The following YEATS2 variants were observed in gnomAD, a reference collection of about 807,000 sequenced individuals.
The protein encoded by YEATS2 is YEATS domain-containing protein 2.
In YEATS2, 77 loss-of-function variants were observed where a neutral mutation model predicts 163.2. The observed-to-expected ratio is 0.47, with a 90% CI of 0.39 to 0.57. The LOEUF is 0.57. Ranked by LOEUF, YEATS2 falls within the 20% of genes least tolerant of loss-of-function variation. The pLI is 0.00. For synonymous variants in YEATS2, 631 were observed against 645.1 expected, an observed-to-expected ratio of 0.98 and a Z score of 0.33; for missense variants, 1,549 against 1,729.8, an observed-to-expected ratio of 0.90 and a Z score of 1.85.
At chr3:183,787,109 C>T (rs1292259573) in intron 20 of YEATS2, among the ~76,000 whole-genome samples, 1 of 152,116 alleles carries the variant, frequency 6.6e-6, no homozygotes, top group Non-Finnish European at 1.5e-5. Flanking sequence ...CACGCACCAC[C>T]ATGTCCGGCT....
intron 29 of YEATS2, among the ~76,000 whole-genome samples, chr3:183,808,431 T>C (rs1284186959): frequency 6.6e-6 from 1 of 152,186 alleles, no homozygotes; most frequent in Non-Finnish European, 1.5e-5. Flanking sequence ...CAGCCCCAAC[T>C]GTCCTGACCC....
chr3:183,713,040 C>T (rs1216329851), intron 1 of YEATS2, among the ~76,000 whole-genome samples: 2 of 152,082 alleles, frequency 1.3e-5, no homozygotes, highest in Non-Finnish European at 1.5e-5. Flanking sequence ...GGATTACAGG[C>T]GTGAGCCACC....
intron 21 of YEATS2, among the ~76,000 whole-genome samples, chr3:183,792,519 G>C (rs1167245083): frequency 6.6e-6 from 1 of 152,068 alleles, no homozygotes; most frequent in East Asian, 1.9e-4. Flanking sequence ...GTATTGTACT[G>C]TATTATTATT....
chr3:183,756,834 C>A, intron 12 of YEATS2, 145 bp downstream of exon 12: 1 of 728,520 alleles, frequency 1.4e-6, no homozygotes, highest in Non-Finnish European at 1.9e-6. Context: ...AAAGCCAATA[C>A]TCTTTCTCTG....
At chr3:183,796,342 C>G (rs1021787366) in intron 21 of YEATS2, among the ~76,000 whole-genome samples, 6 of 151,488 alleles carry the variant, frequency 4.0e-5, no homozygotes, top group Non-Finnish European at 8.8e-5. Flanking sequence ...TTGTTTGTGC[C>G]TTGTATGCTC....
chr3:183,785,010 T>G (rs946619989), intron 19 of YEATS2, among the ~76,000 whole-genome samples: 5 of 150,924 alleles, frequency 3.3e-5, no homozygotes, highest in African/African-American at 1.2e-4. Context: ...GAGGCAGAGG[T>G]TGCAGTGAGC....
Position 183,730,052 on chromosome 3 carries a change from G to GTTTGT in YEATS2, c.812+1204_812+1205insGTTTT, listed in dbSNP as rs1560244258. 5.8e-4 allele frequency among the ~76,000 whole-genome samples: 24 copies of GTTTGT among 41,716 alleles called. 1 individual carries two copies. Among genetic ancestry groups the GTTTGT allele is most frequent in the East Asian group, 1.1e-3 (1 of 888 alleles). 27.4% of individuals were successfully genotyped at this position (41,716 alleles called of 152,430 possible). A position where few individuals can be genotyped will look rare whatever the true frequency, so the allele number is the denominator to read the frequency against. ...ATATTAATTGTGTGGTTTTTTGTTT[G>GTTTGT]TTTTTTTTTTTTTTTTTTTTTTTTT... On this transcript the variant is annotated intron_variant, in intron 7 of 30. Coordinates refer to ENST00000305135, the MANE Select transcript of YEATS2 (RefSeq NM_018023.5).
chr3:183,723,803 T>A (rs1211122687), intron 5 of YEATS2, among the ~76,000 whole-genome samples: 1 of 151,682 alleles, frequency 6.6e-6, no homozygotes, highest in South Asian at 2.1e-4. Context: ...TCCCATCTAC[T>A]CGAGAGGCTG....
chr3:183,772,782 C>CACAT (rs796713045), intron 16 of YEATS2, among the ~76,000 whole-genome samples: 2 of 148,480 alleles, frequency 1.3e-5, no homozygotes, highest in South Asian at 2.2e-4. Flanking sequence ...CACACACCCA[C>CACAT]ATACACACAC....
chr3:183,746,590 C>T (rs373946156), intron 8 of YEATS2, among the ~76,000 whole-genome samples: 16 of 151,448 alleles, frequency 1.1e-4, no homozygotes, highest in East Asian at 3.9e-4. Flanking sequence ...TACACCCGTG[C>T]GGATTACAGA....
chr3:183,796,287 C>T (rs889261817), intron 21 of YEATS2, among the ~76,000 whole-genome samples: 40 of 151,528 alleles, frequency 2.6e-4, no homozygotes, highest in Admixed American at 2.6e-4. Flanking sequence ...CGTGAGCCAC[C>T]GCACCCGACC....
chr3:183,794,747 G>A (rs149528055), intron 21 of YEATS2, among the ~76,000 whole-genome samples: 135 of 152,240 alleles, frequency 8.9e-4, no homozygotes, highest in African/African-American at 3.2e-3. Flanking sequence ...CCATTGTAAG[G>A]GAACATCTGT....
intron 1 of YEATS2, among the ~76,000 whole-genome samples, chr3:183,711,988 T>C (rs1715274507): frequency 1.3e-5 from 2 of 151,236 alleles, no homozygotes; most frequent in Non-Finnish European, 1.5e-5. Context: ...TCTGGCTAAT[T>C]TTTGTATTTT....
At chr3:183,773,246 A>G (rs938564577) in intron 16 of YEATS2, among the ~76,000 whole-genome samples, 2 of 152,204 alleles carry the variant, frequency 1.3e-5, no homozygotes, top group African/African-American at 4.8e-5. Context: ...AAATGGGGGA[A>G]AATATGTAAT....
chr3:183,789,702 AT>A (rs397878062), intron 20 of YEATS2, among the ~76,000 whole-genome samples: 86 of 142,376 alleles, frequency 6.0e-4, no homozygotes, highest in East Asian at 6.2e-4. Context: ...CGCCCAGCTA[AT>A]TTTTTTTTTT....
At chr3:183,738,577 A>G (rs1231272938) in intron 8 of YEATS2, among the ~76,000 whole-genome samples, 1 of 113,610 alleles carries the variant, frequency 8.8e-6, no homozygotes, top group African/African-American at 3.4e-5. Context: ...CACAGTCCCC[A>G]GAGTGTGGTA....
chr3:183,736,697 T>TTAATATCTGCTCC (rs763770554), intron 7 of YEATS2, 21 bp from the exon 8 acceptor site: 1 of 1,599,438 alleles, frequency 6.3e-7, no homozygotes, highest in Non-Finnish European at 8.5e-7. Flanking sequence ...GATGAACGTG[T>TTAATATCTGCTCC]TAATATCTGC....
In YEATS2 at chr3:183,736,834, T is replaced by C; in HGVS notation, c.924+5T>C. The C allele has an allele frequency of 6.2e-7, 1 of 1,608,492 alleles. No individual in the cohort carries two copies. The highest frequency in any genetic ancestry group is 2.2e-5 in the East Asian group (1 of 44,580). On this transcript the variant is annotated splice_donor_5th_base_variant and intron_variant, in intron 8 of 30. Transcript: ENST00000305135. ...GATATCATACATAATCTGAAGGTATTGTAACAAAACATTGCTCCCTAGTTT... is the reference window on the plus strand; with the variant it reads ...GATATCATACATAATCTGAAGGTATCGTAACAAAACATTGCTCCCTAGTTT...
At chr3:183,767,494 ACT>A (rs1262145464) in intron 15 of YEATS2, among the ~76,000 whole-genome samples, 1 of 150,756 alleles carries the variant, frequency 6.6e-6, no homozygotes, top group Non-Finnish European at 1.5e-5. Context: ...GATTCTCTTG[ACT>A]CAGCCTCCCA....
Sources: gnomAD v4.1 joint callset for allele counts (sites outside exome capture counted in the v4.1 genomes callset) on GRCh38, gnomAD v4.1.1 for gene constraint, MANE v1.5 for transcripts, NCBI Gene and HGNC (gene_info 2026-07-23, HGNC 2026-07-21) for gene names.